LRFN5: variants seen among roughly 807,000 people sequenced by gnomAD.
LRFN5 encodes leucine rich repeat and fibronectin type III domain containing 5, also known as leucine-rich repeat and fibronectin type-III domain-containing protein 5.
LRFN5 carries 24 observed loss-of-function variants against 45.6 expected under a neutral mutation model. The observed-to-expected ratio is 0.53, with a 90% CI of 0.38 to 0.74. The LOEUF is 0.74. Ranked by LOEUF, LRFN5 falls within the 30% of genes least tolerant of loss-of-function variation. LRFN5 has a pLI of 0.00. For missense variants in LRFN5, 776 were observed against 861.5 expected (o/e 0.90, Z 1.24); for synonymous variants, 340 against 313.8 (o/e 1.08, Z -0.88).
At chr14:41,846,086 A>G (rs565575323) in intron 2 of LRFN5, among the ~76,000 whole-genome samples, 1 of 152,240 alleles carries the variant, frequency 6.6e-6, no homozygotes, top group African/African-American at 2.4e-5. Context: ...GGTGAATGCA[A>G]TCTTGAAATC....
chr14:41,838,916 A>G (rs759123634), intron 2 of LRFN5, among the ~76,000 whole-genome samples: 8 of 152,158 alleles, frequency 5.3e-5, no homozygotes, highest in Non-Finnish European at 1.2e-4. Context: ...AGTTAAAGGA[A>G]AGCAATTTTA....
chr14:41,699,749 A>G (rs547792672), intron 1 of LRFN5: 5 of 152,210 alleles, frequency 3.3e-5, no homozygotes, highest in Non-Finnish European at 5.9e-5. Flanking sequence ...CTAATCAGGA[A>G]CTGACTCCAC....
intron 2 of LRFN5, among the ~76,000 whole-genome samples, chr14:41,779,745 T>C (rs1886416451): frequency 6.6e-6 from 1 of 151,932 alleles, no homozygotes; most frequent in South Asian, 2.1e-4. Context: ...GTTTATCATA[T>C]TGGTCGCCAT....
At chr14:41,633,186 C>T (rs1055885592) in intron 1 of LRFN5, among the ~76,000 whole-genome samples, 4 of 151,808 alleles carry the variant, frequency 2.6e-5, no homozygotes, top group Admixed American at 2.6e-4. Context: ...TTATGATGCC[C>T]ATGTTATGTA....
chr14:41,708,281 C>A (rs1482392802), intron 1 of LRFN5, among the ~76,000 whole-genome samples: 2 of 151,912 alleles, frequency 1.3e-5, no homozygotes, highest in Non-Finnish European at 2.9e-5. Context: ...ACATTATCCA[C>A]CTTCAATAAT....
At chr14:41,820,775 G>A (rs1047979841) in intron 2 of LRFN5, among the ~76,000 whole-genome samples, 1 of 151,746 alleles carries the variant, frequency 6.6e-6, no homozygotes, top group East Asian at 1.9e-4. Context: ...TGACTTGTTT[G>A]TATCATCTAC....
rs144132966 is a variant in LRFN5, at chr14:41,886,823, T to C, written c.198T>C (p.Ile66=). 13 of 1,613,950 alleles carry C rather than the reference T, an allele frequency of 8.1e-6. No homozygotes were observed. The African/African-American group carries it at 1.3e-4, about 17-fold the overall frequency. The part of the protein sequence containing the change: ...LRLADNFVTN[I]KRKDFANMTS... ...TGGCAGACAATTTTGTTACAAATAT[T>C]AAAAGGAAAGATTTTGCCAATATGA... The change falls in exon 3 of 6, where the codon ATT becomes ATC. Residue 66 remains isoleucine (I), a synonymous_variant. Coordinates refer to ENST00000298119, the MANE Select transcript of LRFN5 (RefSeq NM_152447.5).
At chr14:41,901,444 GTGT>G (rs1891098199) in intron 5 of LRFN5, among the ~76,000 whole-genome samples, 2 of 151,502 alleles carry the variant, frequency 1.3e-5, no homozygotes, top group Non-Finnish European at 2.9e-5. Flanking sequence ...GTGTGTGTGT[GTGT>G]GTGTGTGTGT....
At chr14:41,857,612 A>G (rs1339294026) in intron 2 of LRFN5, among the ~76,000 whole-genome samples, 1 of 152,198 alleles carries the variant, frequency 6.6e-6, no homozygotes, top group African/African-American at 2.4e-5. Context: ...CCCACATACT[A>G]AACACTGTGG....
chr14:41,691,353 A>ATTTTT, intron 1 of LRFN5, among the ~76,000 whole-genome samples: 1 of 152,038 alleles, frequency 6.6e-6, no homozygotes, highest in African/African-American at 2.4e-5. Context: ...AAGCTATCAC[A>ATTTTT]TTTTACCTAT....
chr14:41,781,373 C>T (rs1266124930), intron 2 of LRFN5, among the ~76,000 whole-genome samples: 1 of 151,690 alleles, frequency 6.6e-6, no homozygotes, highest in Non-Finnish European at 1.5e-5. Flanking sequence ...TAGACAGTGC[C>T]TATATACCCA....
chr14:41,649,177 G>A (rs1879966302), intron 1 of LRFN5, among the ~76,000 whole-genome samples: 1 of 152,058 alleles, frequency 6.6e-6, no homozygotes, highest in Non-Finnish European at 1.5e-5. Flanking sequence ...GGAGGTTGCA[G>A]TGAGCTGAGA....
intron 2 of LRFN5, among the ~76,000 whole-genome samples, chr14:41,805,102 A>G (rs989457033): frequency 3.3e-5 from 5 of 151,348 alleles, no homozygotes; most frequent in Admixed American, 2.6e-4. Context: ...GAAAAGTAAT[A>G]AATAGCATCT....
chr14:41,690,885 C>T (rs1009943203), intron 1 of LRFN5, among the ~76,000 whole-genome samples: 1 of 151,938 alleles, frequency 6.6e-6, no homozygotes, highest in Admixed American at 6.6e-5. Context: ...TTATCTTTTT[C>T]ATTTGATTGC....
At chr14:41,803,575 G>C (rs1183889328) in intron 2 of LRFN5, among the ~76,000 whole-genome samples, 1 of 151,434 alleles carries the variant, frequency 6.6e-6, no homozygotes, top group East Asian at 1.9e-4. Context: ...TGCTAATTTT[G>C]AACTCAAGCA....
intron 1 of LRFN5, among the ~76,000 whole-genome samples, chr14:41,720,524 A>G (rs185668463): frequency 2.6e-5 from 4 of 152,230 alleles, no homozygotes; most frequent in Admixed American, 2.0e-4. Context: ...GTTTAGGGTT[A>G]TAAACTTTCC....
chr14:41,894,559 T>A (rs1232033516), intron 4 of LRFN5: 1 of 966,494 alleles, frequency 1.0e-6, no homozygotes, highest in Admixed American at 6.2e-5. Context: ...AAGACTGGCT[T>A]ATCAAGAAGG....
chr14:41,735,686 G>A (rs541049646), intron 1 of LRFN5, among the ~76,000 whole-genome samples: 295 of 152,080 alleles, frequency 1.9e-3, no homozygotes, highest in African/African-American at 6.6e-3. Flanking sequence ...TACAAGTGCC[G>A]TGGTGATAAG....
At chr14:41,652,571 A>G (rs184788417) in intron 1 of LRFN5, among the ~76,000 whole-genome samples, 2 of 152,268 alleles carry the variant, frequency 1.3e-5, no homozygotes, top group African/African-American at 4.8e-5. Context: ...GAAAAATATG[A>G]CAAGGAGTGA....
Sources: gnomAD v4.1 joint callset for allele counts (sites outside exome capture counted in the v4.1 genomes callset) on GRCh38, gnomAD v4.1.1 for gene constraint, MANE v1.5 for transcripts, NCBI Gene and HGNC (gene_info 2026-07-23, HGNC 2026-07-21) for gene names.